Variants in VWA3B observed in about 807,000 individuals in gnomAD.
VWA3B encodes the protein von Willebrand factor A domain-containing protein 3B.
A neutral mutation model predicts 158.3 loss-of-function variants in VWA3B; 138 were observed. That is an observed-to-expected ratio of 0.87 (90% confidence interval 0.76 to 1.00). The LOEUF is 1.00. Among genes scored for constraint, VWA3B ranks in the 50% least tolerant of loss-of-function variants. The pLI is 0.00. For synonymous variants in VWA3B, 596 were observed against 587.3 expected, an observed-to-expected ratio of 1.01 and a Z score of -0.21; for missense variants, 1,555 against 1,565.1, an observed-to-expected ratio of 0.99 and a Z score of 0.11.
chr2:98,197,825 C>T (rs1480083036), intron 12 of VWA3B, among the ~76,000 whole-genome samples: 2 of 151,772 alleles, frequency 1.3e-5, no homozygotes, highest in Non-Finnish European at 2.9e-5. Context: ...TATATTTTCC[C>T]AGCCTCAGCC....
chr2:98,179,033 G>A (rs898164749), intron 8 of VWA3B, among the ~76,000 whole-genome samples: 5 of 152,076 alleles, frequency 3.3e-5, no homozygotes, highest in African/African-American at 1.2e-4. Flanking sequence ...ACCCACTCCC[G>A]GGAATGAAAA....
intron 14 of VWA3B, among the ~76,000 whole-genome samples, chr2:98,225,101 A>G (rs1029897740): frequency 2.6e-5 from 4 of 152,132 alleles, no homozygotes; most frequent in African/African-American, 9.7e-5. Context: ...ATGCCCAGCT[A>G]ATTTGTATTT....
intron 8 of VWA3B, among the ~76,000 whole-genome samples, chr2:98,174,604 A>C (rs186040393): frequency 6.6e-6 from 1 of 152,374 alleles, no homozygotes; most frequent in African/African-American, 2.4e-5. Context: ...CAAAACACTT[A>C]AGATGAAAAA....
Position 98,088,840 on chromosome 2 carries a change from G to A in VWA3B, c.-33+1477G>A, listed in dbSNP as rs142964588. Among the ~76,000 whole-genome samples the A allele has an allele frequency of 7.1e-3, 1,083 of 152,042 alleles. 13 individuals are homozygous for A. The highest frequency in any genetic ancestry group is 0.025 in the African/African-American group (1,022 of 41,446). ...GCAATCTTGGCTTACTGCAACCTCT[G>A]CCCCCTGGGTTCAAGCAATTCTCCT... On this transcript the variant is annotated intron_variant, in intron 1 of 27. Transcript: ENST00000477737.
At chr2:98,318,822 T>TGTCA in the VWA3B span, among the ~76,000 whole-genome samples, 2 of 152,254 alleles carry the variant, frequency 1.3e-5, no homozygotes, top group Admixed American at 6.5e-5. Flanking sequence ...ATCATCTATC[T>TGTCA]GTCAGTCTAT....
chr2:98,160,425 T>A (rs1372855432), intron 7 of VWA3B, among the ~76,000 whole-genome samples: 1 of 152,150 alleles, frequency 6.6e-6, no homozygotes, highest in African/African-American at 2.4e-5. Context: ...TTCATCACGA[T>A]CACTAGACTG....
intron 22 of VWA3B, among the ~76,000 whole-genome samples, chr2:98,288,931 A>G (rs987128093): frequency 1.3e-5 from 2 of 152,114 alleles, no homozygotes; most frequent in African/African-American, 4.8e-5. Context: ...CGTGTTGTCA[A>G]TGTTGTACTC....
Position 98,121,391 on chromosome 2 carries a change from C to CGGTT in VWA3B, c.637_640dup (p.Glu214GlyfsTer2). 2 of 1,614,174 alleles carry CGGTT rather than the reference C, an allele frequency of 1.2e-6. No individual in the cohort carries two copies. On this transcript the variant is annotated frameshift_variant, in exon 5 of 28. Coordinates refer to ENST00000477737, the MANE Select transcript of VWA3B (RefSeq NM_144992.5). LOFTEE classifies it high-confidence loss of function. ...GCCATCAGTTGGGTTGAGAAACTGA[C>CGGTT]GGTTGAGCTGACTGTGAGCGAGGCT... is the stretch of plus-strand genomic sequence containing the variant.
At position 98,125,894 on chromosome 2, in the gene VWA3B, G is replaced by C. The variant is rs1252541917; in HGVS notation, c.703-2345G>C. 6.6e-6 allele frequency among the ~76,000 whole-genome samples: 1 copy of C among 152,120 alleles called. No individual in the cohort carries two copies. The highest frequency in any genetic ancestry group is 6.5e-5 in the Admixed American group (1 of 15,270). The stretch of plus-strand genomic sequence containing the variant: ...TTAGCCAGGATGGTCTCGATCTCCC[G>C]ACCTCGTGATCTGCTCGCCTCAGCC... On this transcript the variant is annotated intron_variant, in intron 5 of 27. Coordinates refer to ENST00000477737, the MANE Select transcript of VWA3B (RefSeq NM_144992.5). The surrounding 1 kb of genome is among the most constrained non-coding windows in gnomAD (Gnocchi z 4.1).
chr2:98,116,199 G>C (rs1160621720), intron 3 of VWA3B, among the ~76,000 whole-genome samples: 1 of 152,162 alleles, frequency 6.6e-6, no homozygotes, highest in African/African-American at 2.4e-5. Flanking sequence ...CAGGCCCTGT[G>C]CAGACCCAGG....
Position 98,212,012 on chromosome 2 carries a change from A to C in VWA3B, c.1820A>C (p.Asp607Ala). 1 of 1,614,044 alleles carries C rather than the reference A, an allele frequency of 6.2e-7. No homozygotes were observed. Among genetic ancestry groups the C allele is most frequent in the Non-Finnish European group, 8.5e-7 (1 of 1,179,960 alleles). Residue 607 changes from aspartate (D) to alanine (A), a missense_variant, in exon 13 of 28, where the codon GAT (aspartate) becomes GCT (alanine). Asp to Ala is a moderately radical substitution (Grantham distance 126, BLOSUM62 -2). Transcript: ENST00000477737. ...KETQAIYLLT[D>A]GRPDQPPETV... is the part of the protein sequence containing the mutation. ...ACACAGGCAATCTACCTTCTGACCG[A>C]TGGGAGACCTGATCAGGTACTTACC...
At position 98,290,535 on chromosome 2, in the gene VWA3B, A is replaced by T. The variant is rs1689426636; in HGVS notation, c.3070A>T (p.Thr1024Ser). ...GCAACAGAAATTGCAAGGAAATCCA[A>T]CAAAGAAAACCAAATCAAAAAGACC... ...GEQQKLQGNPTKKTKSKRPDP... is the reference protein window; with the variant it reads ...GEQQKLQGNPSKKTKSKRPDP... The change falls in exon 23 of 28, where the codon ACA becomes TCA. Residue 1024 changes from threonine (T) to serine (S), a missense_variant. By Grantham distance (58) the Thr-to-Ser change is moderately conservative. Coordinates refer to ENST00000477737, the MANE Select transcript of VWA3B (RefSeq NM_144992.5). 7 of 1,581,976 alleles carry T rather than the reference A, an allele frequency of 4.4e-6. No homozygotes were observed. The highest frequency in any genetic ancestry group is 6.0e-6 in the Non-Finnish European group (7 of 1,171,490).
intron 9 of VWA3B, among the ~76,000 whole-genome samples, chr2:98,186,748 GCTTCTGCC>G (rs1681097316): frequency 6.6e-6 from 1 of 152,014 alleles, no homozygotes; most frequent in Admixed American, 6.5e-5. Context: ...CTGGCTCTTT[GCTTCTGCC>G]CTTGGTCCTC....
chr2:98,191,825 T>G (rs960828075), intron 10 of VWA3B, among the ~76,000 whole-genome samples: 1 of 152,256 alleles, frequency 6.6e-6, no homozygotes, highest in Non-Finnish European at 1.5e-5. Context: ...CTTTCTCCTG[T>G]GCAGTAGTGT....
At chr2:98,155,337 A>T (rs1467527847) in intron 7 of VWA3B, among the ~76,000 whole-genome samples, 1 of 152,230 alleles carries the variant, frequency 6.6e-6, no homozygotes, top group African/African-American at 2.4e-5. Context: ...AGTGATCAAC[A>T]CACAACAGAT....
At chr2:98,209,643 C>T (rs1356686342) in intron 12 of VWA3B, among the ~76,000 whole-genome samples, 2 of 152,160 alleles carry the variant, frequency 1.3e-5, no homozygotes, top group Non-Finnish European at 1.5e-5. Context: ...ACTCTTTCCC[C>T]TCTTTTTTCT....
chr2:98,277,215 G>T (rs1374939819), intron 22 of VWA3B, among the ~76,000 whole-genome samples: 1 of 152,166 alleles, frequency 6.6e-6, no homozygotes, highest in African/African-American at 2.4e-5. Flanking sequence ...AATGACAGGA[G>T]AAATCTTAAG....
At chr2:98,124,778 G>A (rs1675228437) in intron 5 of VWA3B, among the ~76,000 whole-genome samples, 1 of 152,222 alleles carries the variant, frequency 6.6e-6, no homozygotes, top group Admixed American at 6.5e-5. Context: ...AGGGCAGTCA[G>A]AGTAGAAGCA....
At chr2:98,258,452 C>A (rs1449624787) in intron 21 of VWA3B, among the ~76,000 whole-genome samples, 2 of 151,738 alleles carry the variant, frequency 1.3e-5, no homozygotes, top group Non-Finnish European at 3.0e-5. Flanking sequence ...AAGAGTATTA[C>A]CATTTTAACA....
Sources: allele counts gnomAD v4.1 joint callset (sites outside exome capture counted in the v4.1 genomes callset), GRCh38; gene constraint gnomAD v4.1.1; non-coding constraint Gnocchi (gnomAD v3.1); transcripts MANE v1.5; gene names NCBI Gene and HGNC (gene_info 2026-07-23, HGNC 2026-07-21).